The following CDK13 variants were observed in gnomAD, a reference collection of about 807,000 sequenced individuals.
CDK13 encodes cyclin dependent kinase 13.
In CDK13, 40 loss-of-function variants were observed where a neutral mutation model predicts 137.6. The observed-to-expected ratio is 0.29, with a 90% CI of 0.23 to 0.38. The LOEUF is 0.38. Ranked by LOEUF, CDK13 falls within the 10% of genes least tolerant of loss-of-function variation. CDK13 has a pLI of 1.00. For synonymous variants in CDK13, 869 were observed against 760.1 expected (o/e 1.14, Z -2.36); for missense variants, 1,704 against 1,951.8 (o/e 0.87, Z 2.39).
chr7:39,951,795 G>T lies in CDK13; in HGVS notation c.1154G>T (p.Ser385Ile). The T allele has an allele frequency of 6.8e-7, 1 of 1,468,330 alleles. No individual in the cohort carries two copies. The highest frequency in any genetic ancestry group is 8.9e-7 in the Non-Finnish European group (1 of 1,121,518). The allele number at this position is 1,468,330 out of a possible 1,614,324, so 91.0% of individuals were successfully genotyped here. A position where few individuals can be genotyped will look rare whatever the true frequency, so the allele number is the denominator to read the frequency against. Residue 385 changes from serine (S) to isoleucine (I), a missense_variant, in exon 1 of 14, where the codon AGT becomes ATT. By Grantham distance (142) the Ser-to-Ile change is moderately radical. Around this residue, in one of 5 missense-constraint regions of CDK13, gnomAD observed 1,051 missense variants for 931.0 expected, o/e 1.13. Coordinates refer to ENST00000181839, the MANE Select transcript of CDK13 (RefSeq NM_003718.5). ...GAGCGGGGCGGCGACGTGTCCCCTA[G>T]TCCCTACAGCAGCAGCAGCTGGCGC... is the stretch of plus-strand genomic sequence containing the variant. Reference protein sequence around the residue: ...SYERGGDVSPSPYSSSSWRRS... With the variant: ...SYERGGDVSPIPYSSSSWRRS...
chr7:40,001,181 TAAA>T (rs981762345), intron 4 of CDK13, among the ~76,000 whole-genome samples: 1 of 151,664 alleles, frequency 6.6e-6, no homozygotes, highest in Non-Finnish European at 1.5e-5. Context: ...TTAAAAAAAA[TAAA>T]AATGACAGTG....
chr7:39,951,502 G>A lies in CDK13; in HGVS notation c.861G>A (p.Lys287=). ...KAHRSRTKSS[K]EPPSAYKEPP... is the part of the protein sequence containing the mutation. ...ACCGCAGCCGGACTAAGTCGTCCAA[G>A]GAGCCGCCTTCGGCCTACAAGGAAC... is the stretch of plus-strand genomic sequence containing the variant. The change falls in exon 1 of 14, where the codon AAG becomes AAA. Residue 287 remains lysine (K), a synonymous_variant. Coordinates refer to ENST00000181839, the MANE Select transcript of CDK13 (RefSeq NM_003718.5). 3 of 1,536,978 alleles carry A rather than the reference G, an allele frequency of 2.0e-6. No homozygotes were observed. Among genetic ancestry groups the A allele is most frequent in the Non-Finnish European group, 2.6e-6 (3 of 1,143,384 alleles).
intron 1 of CDK13, among the ~76,000 whole-genome samples, chr7:39,979,294 G>T (rs1475067879): frequency 1.4e-5 from 2 of 144,422 alleles, no homozygotes; most frequent in Admixed American, 7.2e-5. Context: ...TCGGTTCACC[G>T]CAACCTCCGC....
intron 7 of CDK13, 27 bp from the exon 8 acceptor site, chr7:40,062,799 C>T: frequency 6.8e-7 from 1 of 1,475,380 alleles, no homozygotes; most frequent in Non-Finnish European, 9.5e-7. Flanking sequence ...AATACTAACT[C>T]TAAAGACTGT....
chr7:40,011,380 C>G (rs998183480), intron 5 of CDK13, among the ~76,000 whole-genome samples: 1 of 152,120 alleles, frequency 6.6e-6, no homozygotes, highest in African/African-American at 2.4e-5. Flanking sequence ...TTACATAAAT[C>G]AAAATCTTCC....
chr7:40,051,062 C>T (rs1785877042), intron 7 of CDK13, among the ~76,000 whole-genome samples: 1 of 151,956 alleles, frequency 6.6e-6, no homozygotes, highest in Non-Finnish European at 1.5e-5. Flanking sequence ...GGCCATGGTC[C>T]CTGTTGCCCT....
At chr7:40,029,756 G>T (rs1304284645) in intron 5 of CDK13, among the ~76,000 whole-genome samples, 2 of 151,914 alleles carry the variant, frequency 1.3e-5, no homozygotes, top group South Asian at 4.1e-4. Context: ...GGGTTCAAGC[G>T]ATTCTCCTGC....
At chr7:39,994,818 C>T (rs1338104297) in intron 2 of CDK13, among the ~76,000 whole-genome samples, 2 of 151,940 alleles carry the variant, frequency 1.3e-5, no homozygotes, top group African/African-American at 2.4e-5. Flanking sequence ...AGGGCAAATG[C>T]CACTTAATTT....
At chr7:40,068,044 G>A (rs1786320563) in intron 9 of CDK13, 1 of 149,268 alleles carries the variant, frequency 6.7e-6, no homozygotes, top group Non-Finnish European at 1.5e-5. Context: ...GCAGTGAGCC[G>A]AGATTGCTCT....
chr7:40,085,368 C>CAAAA (rs34788348), intron 11 of CDK13, among the ~76,000 whole-genome samples: 1 of 122,928 alleles, frequency 8.1e-6, no homozygotes, highest in Admixed American at 8.4e-5. Context: ...GATTCCATCT[C>CAAAA]AAAAAAAAAA....
chr7:40,001,781 A>C, intron 4 of CDK13, 80 bp from the exon 5 acceptor site: 1 of 895,204 alleles, frequency 1.1e-6, no homozygotes, highest in Non-Finnish European at 1.8e-6. Flanking sequence ...ACAGAATTGA[A>C]TTAAAATACA....
At chr7:40,088,017 G>A in intron 11 of CDK13, 109 bp from the exon 12 acceptor site, 1 of 796,920 alleles carries the variant, frequency 1.3e-6, no homozygotes, top group Non-Finnish European at 2.0e-6. Context: ...ATTCTATGAA[G>A]TCTTCAAGAA....
At position 39,950,371 on chromosome 7, in the gene CDK13, T is replaced by G; in HGVS notation, c.-271T>G. On this transcript the variant is annotated 5_prime_UTR_variant, in exon 1 of 14. Coordinates refer to ENST00000181839, the MANE Select transcript of CDK13 (RefSeq NM_003718.5). ...GGTCAGCGCCCGGCGCATCTGGTGT[T>G]TTCGCTGCCGAGGATAGGACGACGA... is the stretch of plus-strand genomic sequence containing the variant. 1.7e-6 allele frequency: 2 copies of G among 1,205,956 alleles called. No homozygotes were observed. Among genetic ancestry groups the G allele is most frequent in the East Asian group, 3.4e-5 (1 of 29,072 alleles). The allele number at this position is 1,205,956 out of a possible 1,614,324, so 74.7% of individuals were successfully genotyped here.
chr7:40,053,354 T>TAA (rs1461469543), intron 7 of CDK13, among the ~76,000 whole-genome samples: 1 of 152,206 alleles, frequency 6.6e-6, no homozygotes, highest in Non-Finnish European at 1.5e-5. Flanking sequence ...ATTTCCCGTT[T>TAA]TAGTTAAAGG....
chr7:40,093,224 C>T lies in CDK13; in HGVS notation c.3675C>T (p.Ser1225=). 1 of 1,611,928 alleles carries T rather than the reference C, an allele frequency of 6.2e-7. No individual in the cohort carries two copies. The highest frequency in any genetic ancestry group is 8.5e-7 in the Non-Finnish European group (1 of 1,179,022). The change falls in exon 13 of 14, where the codon AGC becomes AGT. Residue 1225 remains serine (S), a synonymous_variant. Transcript: ENST00000181839. ...SLQLRPPPEP[S]TPVSGQDDLI... ...AACTCAGGCCACCTCCAGAACCTAGCACTCCGGTGTCGGGTAAGTGTGCAG... is the reference window on the plus strand; with the variant it reads ...AACTCAGGCCACCTCCAGAACCTAGTACTCCGGTGTCGGGTAAGTGTGCAG...
intron 7 of CDK13, among the ~76,000 whole-genome samples, chr7:40,058,971 G>A (rs1051417015): frequency 6.6e-6 from 1 of 152,060 alleles, no homozygotes; most frequent in Non-Finnish European, 1.5e-5. Context: ...CCTTCAAGCA[G>A]GAAGAAAGAA....
chr7:39,974,144 C>A (rs931772643), intron 1 of CDK13, among the ~76,000 whole-genome samples: 2 of 152,084 alleles, frequency 1.3e-5, no homozygotes, highest in Non-Finnish European at 2.9e-5. Flanking sequence ...ATAGGGAGTA[C>A]ATTGATTTTA....
At chr7:40,034,957 C>G (rs561364414) in intron 5 of CDK13, among the ~76,000 whole-genome samples, 1 of 152,180 alleles carries the variant, frequency 6.6e-6, no homozygotes, top group Non-Finnish European at 1.5e-5. Flanking sequence ...ATTTGCTGTT[C>G]CCCTTATTCA....
intron 1 of CDK13, among the ~76,000 whole-genome samples, chr7:39,974,505 A>G (rs1238126771): frequency 6.6e-6 from 1 of 150,558 alleles, no homozygotes; most frequent in Admixed American, 6.6e-5. Flanking sequence ...TTAAACTTTT[A>G]GGTATTTCAT....
Sources: gnomAD v4.1 joint callset for allele counts (sites outside exome capture counted in the v4.1 genomes callset) on GRCh38, gnomAD v4.1.1 for gene constraint, gnomAD v4.1.1 regional missense constraint, MANE v1.5 for transcripts, NCBI Gene and HGNC (gene_info 2026-07-23, HGNC 2026-07-21) for gene names.